NCAPH2: variants seen among roughly 807,000 people sequenced by gnomAD.
The protein encoded by NCAPH2 is non-SMC condensin II complex subunit H2, also known as condensin-2 complex subunit H2.
NCAPH2 carries 56 observed loss-of-function variants against 88.6 expected under a neutral mutation model. That is an observed-to-expected ratio of 0.63 (90% CI 0.51 to 0.79). The LOEUF is 0.79. NCAPH2 is among the 30% of genes least tolerant of loss of function. The probability of loss-of-function intolerance (pLI) is 0.00; values close to 1 mark genes in which losing one functional copy is unlikely to be tolerated. For missense variants in NCAPH2, 794 were observed against 792.0 expected, an observed-to-expected ratio of 1.00 and a Z score of -0.03; for synonymous variants, 378 against 313.6, an observed-to-expected ratio of 1.21 and a Z score of -2.17.
chr22:50,521,012 C>T lies in NCAPH2; in HGVS notation c.909C>T (p.Ala303=). Residue 303 remains alanine, a synonymous_variant, in exon 10 of 20, where the codon GCC becomes GCT. Transcript: ENST00000420993. ...ACATGCTGCGGGAGCGGGAGGGGGC[C>T]CCAGAGCCTGCATCCTGCGTGAAGG... ...RRYMLREREG[A]PEPASCVKET... 6.4e-7 allele frequency: 1 copy of T among 1,550,780 alleles called. No homozygotes were observed. The highest frequency in any genetic ancestry group is 8.7e-7 in the Non-Finnish European group (1 of 1,146,910).
intron 2 of NCAPH2, 57 bp downstream of exon 2, chr22:50,516,605 GCT>G: frequency 6.5e-7 from 1 of 1,529,286 alleles, no homozygotes; most frequent in Non-Finnish European, 9.0e-7. Flanking sequence ...ACCACAGTCG[GCT>G]CTCCTTCTGG....
At position 50,516,553 on chromosome 22, in the gene NCAPH2, G is replaced by A. The variant is rs749994483; in HGVS notation, c.210+5G>A. The A allele has an allele frequency of 2.5e-6, 4 of 1,613,704 alleles. No homozygotes were observed. In the South Asian group the frequency reaches 4.4e-5, roughly 18 times the overall value. On this transcript the variant is annotated splice_donor_5th_base_variant and intron_variant, in intron 2 of 19. Transcript: ENST00000420993. Reference sequence around the variant, plus strand: ...GCCTGCGTCTACAGTAAGAAGGTGGGCCCTGCTTGACGCTGGTCTTGGCAT... The same window carrying A: ...GCCTGCGTCTACAGTAAGAAGGTGGACCCTGCTTGACGCTGGTCTTGGCAT...
chr22:50,511,449 C>T (rs1472118126), intron 1 of NCAPH2, among the ~76,000 whole-genome samples: 1 of 143,600 alleles, frequency 7.0e-6, no homozygotes, highest in Non-Finnish European at 1.5e-5. Context: ...GCCACCACGC[C>T]CGGCTAATTT....
In NCAPH2 at chr22:50,523,172, T is replaced by G. The variant is rs2069167772; in HGVS notation, c.1677+6T>G. On this transcript the variant is annotated splice_donor_region_variant and intron_variant, in intron 19 of 19. Transcript: ENST00000420993. Reference sequence around the variant, plus strand: ...TGCTGGCCTCCCTGCAGCTGGTGAGTAGCCTGGGATACGTGGGAGGGGGAG... The same window carrying G: ...TGCTGGCCTCCCTGCAGCTGGTGAGGAGCCTGGGATACGTGGGAGGGGGAG... The G allele has an allele frequency of 1.9e-6, 3 of 1,612,966 alleles. No individual in the cohort carries two copies. The highest frequency in any genetic ancestry group is 1.7e-5 in the Admixed American group (1 of 59,910).
At chr22:50,517,698 T>G in intron 4 of NCAPH2, 37 bp downstream of exon 4, 1 of 1,614,106 alleles carries the variant, frequency 6.2e-7, no homozygotes. Context: ...GCCCACTGTG[T>G]GTTTGCCTGG....
In NCAPH2 at chr22:50,511,285, C is replaced by CTT. The variant is rs910583115; in HGVS notation, c.108+2861_108+2862dup. ...TCAAGCAGTTCTCCTGCCTCAGCCT[C>CTT]TTTTTTTTTTTTTTTTTTTTTTGAG... On this transcript the variant is annotated intron_variant, in intron 1 of 19. Coordinates refer to ENST00000420993, the MANE Select transcript of NCAPH2 (RefSeq NM_152299.4). Among the ~76,000 whole-genome samples, 49 of 109,650 alleles carry CTT rather than the reference C, an allele frequency of 4.5e-4. 5 individuals are homozygous for CTT. The highest frequency in any genetic ancestry group is 1.3e-3 in the South Asian group (5 of 3,748). The allele number at this position is 109,650 out of a possible 152,430, so 71.9% of individuals were successfully genotyped here.
intron 1 of NCAPH2, among the ~76,000 whole-genome samples, chr22:50,511,925 G>A (rs2148656654): frequency 6.6e-6 from 1 of 152,306 alleles, no homozygotes; most frequent in South Asian, 2.1e-4. Context: ...GGGATTACAG[G>A]TGTGAGCCAC....
chr22:50,518,742 G>A lies in NCAPH2; in HGVS notation c.730+10G>A. 6.3e-7 allele frequency: 1 copy of A among 1,597,870 alleles called. No individual in the cohort carries two copies. Among genetic ancestry groups the A allele is most frequent in the Non-Finnish European group, 8.5e-7 (1 of 1,173,392 alleles). On this transcript the variant is annotated intron_variant, in intron 8 of 19. Coordinates refer to ENST00000420993, the MANE Select transcript of NCAPH2 (RefSeq NM_152299.4). ...TTCTCCCAGGAGCCAGGTGAGAAGA[G>A]AGCTCCCCGGTGGGACTGGCAGGGC...
chr22:50,518,760 G>A (rs1447877338), intron 8 of NCAPH2, 28 bp downstream of exon 8: 11 of 1,579,976 alleles, frequency 7.0e-6, no homozygotes, highest in African/African-American at 1.3e-5. Context: ...CGGTGGGACT[G>A]GCAGGGCAGC....
At chr22:50,508,494 C>CGGGGGGGGGGGCGGGGGGGGGGGGCTGG in intron 1 of NCAPH2, 49 bp downstream of exon 1, 3 of 275,386 alleles carry the variant, frequency 1.1e-5, no homozygotes, top group Non-Finnish European at 1.4e-5. Context: ...GGTGGGGCTG[C>CGGGGGGGGGGGCGGGGGGGGGGGGCTGG]GGGGCGGGGG....
intron 1 of NCAPH2, among the ~76,000 whole-genome samples, chr22:50,514,223 A>T (rs1257730842): frequency 3.9e-5 from 6 of 152,066 alleles, no homozygotes; most frequent in African/African-American, 1.4e-4. Flanking sequence ...GGCTCCGTTT[A>T]GGATTTTGGG....
rs939805765 is a variant in NCAPH2, at chr22:50,508,283, C to T, written c.-55C>T. The T allele has an allele frequency of 8.3e-6, 11 of 1,325,572 alleles. No homozygotes were observed. The highest frequency in any genetic ancestry group is 3.1e-5 in the African/African-American group (2 of 63,966). The allele number at this position is 1,325,572 out of a possible 1,614,324, so 82.1% of individuals were successfully genotyped here. A position where few individuals can be genotyped will look rare whatever the true frequency, so the allele number is the denominator to read the frequency against. On this transcript the variant is annotated 5_prime_UTR_variant, in exon 1 of 20. Coordinates refer to ENST00000420993, the MANE Select transcript of NCAPH2 (RefSeq NM_152299.4). ...AGAACTAGTGGCGGGCTGAGGACGC[C>T]GTACCCCTCGGAAGGCAGCCCTGCG...
chr22:50,524,111 G>C lies in NCAPH2; in HGVS notation c.*736G>C. 1.9e-6 allele frequency: 3 copies of C among 1,612,882 alleles called. No homozygotes were observed. The highest frequency in any genetic ancestry group is 2.5e-6 in the Non-Finnish European group (3 of 1,180,010). On this transcript the variant is annotated 3_prime_UTR_variant, in exon 20 of 20. Coordinates refer to ENST00000420993, the MANE Select transcript of NCAPH2 (RefSeq NM_152299.4). ...TGATCCAGCAGGTGGAAGTCGCCCTGGCCCACAGCTGCCTGGCGCAGGGCT... is the reference window on the plus strand; with the variant it reads ...TGATCCAGCAGGTGGAAGTCGCCCTCGCCCACAGCTGCCTGGCGCAGGGCT...
At chr22:50,518,564 C>T in intron 7 of NCAPH2, 85 bp from the exon 8 acceptor site, 1 of 1,370,434 alleles carries the variant, frequency 7.3e-7, no homozygotes, top group Non-Finnish European at 1.0e-6. Flanking sequence ...TCCTGCTGGC[C>T]CCTTGGAGAG....
In NCAPH2 at chr22:50,522,027, C is replaced by T. The variant is rs1297186024; in HGVS notation, c.1150C>T (p.Pro384Ser). 2 of 1,614,044 alleles carry T rather than the reference C, an allele frequency of 1.2e-6. No homozygotes were observed. The highest frequency in any genetic ancestry group is 8.5e-7 in the Non-Finnish European group (1 of 1,179,982). The change falls in exon 13 of 20, where the codon CCG becomes TCG. Residue 384 changes from proline to serine, a missense_variant. This residue lies in a region of NCAPH2 where 735 missense variants were observed against 696.3 expected (regional missense o/e 1.06). Coordinates refer to ENST00000420993, the MANE Select transcript of NCAPH2 (RefSeq NM_152299.4). ...CAGCAGGCGGCTTCGGCGAAAGGGTCCGTCCTTTGCAGGTGAGGCTGAAGT... is the reference window on the plus strand; with the variant it reads ...CAGCAGGCGGCTTCGGCGAAAGGGTTCGTCCTTTGCAGGTGAGGCTGAAGT... Reference protein sequence around the residue: ...ADSRRLRRKGPSFADMEVLYW... With the variant: ...ADSRRLRRKGSSFADMEVLYW...
intron 1 of NCAPH2, among the ~76,000 whole-genome samples, chr22:50,511,949 A>G (rs2068795960): frequency 6.6e-6 from 1 of 151,952 alleles, no homozygotes; most frequent in Non-Finnish European, 1.5e-5. Flanking sequence ...GCCTGGCCCC[A>G]GCTAATTTTT....
chr22:50,516,512 G>A lies in NCAPH2; in HGVS notation c.174G>A (p.Leu58=), dbSNP rs570609283. 1 of 1,614,232 alleles carries A rather than the reference G, an allele frequency of 6.2e-7. No individual in the cohort carries two copies. Among genetic ancestry groups the A allele is most frequent in the South Asian group, 1.1e-5 (1 of 91,088 alleles). Reference sequence around the variant, plus strand: ...CAATGAACTTCATTGAGGCAGCGTTGTTGATCCAGGGCTCTGCCTGCGTCT... The same window carrying A: ...CAATGAACTTCATTGAGGCAGCGTTATTGATCCAGGGCTCTGCCTGCGTCT... ...KTTMNFIEAA[L]LIQGSACVYS... Residue 58 remains leucine (L), a synonymous_variant, in exon 2 of 20, where the codon TTG becomes TTA. Coordinates refer to ENST00000420993, the MANE Select transcript of NCAPH2 (RefSeq NM_152299.4).
Position 50,523,031 on chromosome 22 carries a change from C to T in NCAPH2, c.1542C>T (p.Pro514=), listed in dbSNP as rs1199896039. The change falls in exon 19 of 20, where the codon CCC becomes CCT. Residue 514 remains proline (P), a synonymous_variant. Coordinates refer to ENST00000420993, the MANE Select transcript of NCAPH2 (RefSeq NM_152299.4). The stretch of plus-strand genomic sequence containing the variant: ...CCCCTGTGCAGGAGCAGCATGTGCC[C>T]TTTGACATCCACACCTATGGGGACC... ...PLLQEQEQHV[P]FDIHTYGDQL... 1 of 1,601,064 alleles carries T rather than the reference C, an allele frequency of 6.2e-7. No individual in the cohort carries two copies. The highest frequency in any genetic ancestry group is 8.5e-7 in the Non-Finnish European group (1 of 1,171,426).
chr22:50,524,199 G>C lies in NCAPH2; in HGVS notation c.*824G>C. 1.2e-6 allele frequency: 2 copies of C among 1,608,628 alleles called. No individual in the cohort carries two copies. Among genetic ancestry groups the C allele is most frequent in the Non-Finnish European group, 1.7e-6 (2 of 1,179,932 alleles). On this transcript the variant is annotated 3_prime_UTR_variant, in exon 20 of 20. Coordinates refer to ENST00000420993, the MANE Select transcript of NCAPH2 (RefSeq NM_152299.4). Reference sequence around the variant, plus strand: ...CCCTCAGGGCCAGCCAGGCCCCACCGAGTCCAGCCCCGAACAGGCCTGTGA... The same window carrying C: ...CCCTCAGGGCCAGCCAGGCCCCACCCAGTCCAGCCCCGAACAGGCCTGTGA...
Sources: allele counts gnomAD v4.1 joint callset (sites outside exome capture counted in the v4.1 genomes callset), GRCh38; gene constraint gnomAD v4.1.1; regional missense constraint gnomAD v4.1.1; transcripts MANE v1.5; gene names NCBI Gene and HGNC (gene_info 2026-07-23, HGNC 2026-07-21).